The following WDPCP variants were observed in gnomAD, a reference collection of about 807,000 sequenced individuals.
WDPCP encodes WD repeat containing planar cell polarity effector.
WDPCP carries 71 observed loss-of-function variants against 93.1 expected under a neutral mutation model. The ratio of observed to expected loss-of-function variants is 0.76; its 90% CI spans 0.63 to 0.93. The LOEUF (loss-of-function observed/expected upper bound fraction) is 0.93. Ranked by LOEUF, WDPCP falls within the 40% of genes least tolerant of loss-of-function variation. The pLI, the probability that WDPCP is intolerant of heterozygous loss-of-function variation, is 0.00. For synonymous variants in WDPCP, 315 were observed against 315.0 expected, an observed-to-expected ratio of 1.00 and a Z score of 0.00; for missense variants, 844 against 887.4, an observed-to-expected ratio of 0.95 and a Z score of 0.62.
At chr2:63,500,454 G>GGGTGTGTGTGT (rs1553412905) in intron 1 of WDPCP, among the ~76,000 whole-genome samples, 1 of 149,474 alleles carries the variant, frequency 6.7e-6, no homozygotes, top group Non-Finnish European at 1.5e-5. Context: ...ATGGTGTGGG[G>GGGTGTGTGTGT]GTGTGTGTGT....
rs1042442806 is a variant in WDPCP at position 63,153,481 on chromosome 2, T to C, written c.2158+14A>G. 3 of 1,602,034 alleles carry C rather than the reference T, an allele frequency of 1.9e-6. No individual in the cohort carries two copies. The highest frequency in any genetic ancestry group is 1.1e-5 in the South Asian group (1 of 90,516). ...GTTATACTTTGAATACTTGGGTGTC[T>C]TGAATACCATTACCTTCTGCATTAC... On this transcript the variant is annotated intron_variant, in intron 16 of 17. Transcript: ENST00000272321.
upstream of WDPCP, among the ~76,000 whole-genome samples, chr2:63,830,519 ATAATC>A (rs1475192992): frequency 3.9e-5 from 6 of 152,144 alleles, no homozygotes; most frequent in Non-Finnish European, 7.4e-5. Flanking sequence ...TGCTGTTTGA[ATAATC>A]TAATAATAGT....
At chr2:63,802,582 T>C (rs1476804214) in intron 2 of WDPCP, among the ~76,000 whole-genome samples, 1 of 152,212 alleles carries the variant, frequency 6.6e-6, no homozygotes, top group Admixed American at 6.5e-5. Flanking sequence ...AATTTTGGAC[T>C]GAATTTCTTA....
intron 13 of WDPCP, among the ~76,000 whole-genome samples, chr2:63,286,621 T>C (rs1684022633): frequency 6.6e-6 from 1 of 152,234 alleles, no homozygotes; most frequent in South Asian, 2.1e-4. Flanking sequence ...GCCCTGTTGC[T>C]CACACAAAGC....
intron 14 of WDPCP, among the ~76,000 whole-genome samples, chr2:63,220,662 T>C (rs1255795139): frequency 6.6e-6 from 1 of 152,238 alleles, no homozygotes; most frequent in Non-Finnish European, 1.5e-5. Flanking sequence ...TGCAGTGATG[T>C]ATAAATGAAT....
intron 3 of WDPCP, chr2:63,622,705 C>G: frequency 6.2e-7 from 1 of 1,613,700 alleles, no homozygotes; most frequent in Non-Finnish European, 8.5e-7. Flanking sequence ...GGGGTCACCT[C>G]CCGGTGTACT....
At chr2:63,618,504 C>T (rs965085830) in intron 3 of WDPCP, among the ~76,000 whole-genome samples, 14 of 152,080 alleles carry the variant, frequency 9.2e-5, no homozygotes, top group Non-Finnish European at 1.5e-4. Flanking sequence ...GTGAAATGAT[C>T]AGTGATTATC....
chr2:63,572,349 G>T (rs1477540092), intron 1 of WDPCP, among the ~76,000 whole-genome samples: 2 of 152,084 alleles, frequency 1.3e-5, no homozygotes, highest in Non-Finnish European at 2.9e-5. Context: ...TGTAGTATTT[G>T]CCCCAGATAA....
At chr2:63,535,765 G>A (rs1704229198) in intron 1 of WDPCP, among the ~76,000 whole-genome samples, 1 of 152,162 alleles carries the variant, frequency 6.6e-6, no homozygotes, top group Admixed American at 6.6e-5. Flanking sequence ...AGCCCTAGAA[G>A]AAAACCTAGG....
At chr2:63,701,082 G>A (rs909813885) in intron 2 of WDPCP, among the ~76,000 whole-genome samples, 1 of 152,068 alleles carries the variant, frequency 6.6e-6, no homozygotes, top group African/African-American at 2.4e-5. Context: ...CAGAATAGAA[G>A]AAAATATTTG....
chr2:63,290,034 TAA>T (rs151042826), intron 13 of WDPCP, among the ~76,000 whole-genome samples: 1 of 149,322 alleles, frequency 6.7e-6, no homozygotes, highest in Admixed American at 6.7e-5. Context: ...TCTCTGACTT[TAA>T]AAAAAAAAAT....
chr2:63,321,557 A>T (rs7558922), intron 12 of WDPCP, among the ~76,000 whole-genome samples: 4 of 151,972 alleles, frequency 2.6e-5, no homozygotes, highest in African/African-American at 4.8e-5. Flanking sequence ...GTTTCTTCTT[A>T]TATCTCCTAC....
chr2:63,768,326 G>C (rs2103937335), intron 2 of WDPCP, among the ~76,000 whole-genome samples: 1 of 148,092 alleles, frequency 6.8e-6, no homozygotes. Flanking sequence ...GTATAAGTGT[G>C]CCATTTTTGT....
intron 13 of WDPCP, among the ~76,000 whole-genome samples, chr2:63,279,979 A>G (rs1320600971): frequency 6.6e-6 from 1 of 152,240 alleles, no homozygotes; most frequent in Non-Finnish European, 1.5e-5. Context: ...GAAATAATAG[A>G]CAACACAAAT....
chr2:63,461,982 C>T (rs1699040212), intron 6 of WDPCP, among the ~76,000 whole-genome samples: 1 of 152,182 alleles, frequency 6.6e-6, no homozygotes, highest in South Asian at 2.1e-4. Context: ...CCATTTGATC[C>T]AGCCATCCCA....
chr2:63,564,165 T>C (rs889021123), intron 1 of WDPCP: 1 of 152,206 alleles, frequency 6.6e-6, no homozygotes, highest in African/African-American at 2.4e-5. Flanking sequence ...GTCACTTAGG[T>C]GGAAAGGTGC....
intron 13 of WDPCP, among the ~76,000 whole-genome samples, chr2:63,287,670 T>G (rs887527507): frequency 6.6e-6 from 1 of 152,228 alleles, no homozygotes; most frequent in Non-Finnish European, 1.5e-5. Context: ...TATAAATTTT[T>G]AAAACACACA....
chr2:63,408,084 A>C (rs1013214344), intron 9 of WDPCP, among the ~76,000 whole-genome samples: 1 of 152,180 alleles, frequency 6.6e-6, no homozygotes, highest in Non-Finnish European at 1.5e-5. Flanking sequence ...GTGGAGGTGG[A>C]TGGGAGGCAG....
At chr2:63,550,198 CA>C (rs2106350747) in intron 1 of WDPCP, among the ~76,000 whole-genome samples, 1 of 6,178 alleles carries the variant, frequency 1.6e-4, no homozygotes, top group African/African-American at 2.8e-3. Context: ...AAGAAACACA[CA>C]CACACACACA....
Sources: gnomAD v4.1 joint callset for allele counts (sites outside exome capture counted in the v4.1 genomes callset) on GRCh38, gnomAD v4.1.1 for gene constraint, MANE v1.5 for transcripts, NCBI Gene and HGNC (gene_info 2026-07-23, HGNC 2026-07-21) for gene names.